BMERB1: variants seen among roughly 807,000 people sequenced by gnomAD.
The protein encoded by BMERB1 is bMERB domain-containing protein 1.
In BMERB1, 12 loss-of-function variants were observed where a neutral mutation model predicts 23.6. That is an observed-to-expected ratio of 0.51 (90% CI 0.33 to 0.82). BMERB1 has a LOEUF of 0.82. Ranked by LOEUF, BMERB1 falls within the 40% of genes least tolerant of loss-of-function variation. The pLI is 0.03. For missense variants in BMERB1, 247 were observed against 255.4 expected, an observed-to-expected ratio of 0.97 and a Z score of 0.22; for synonymous variants, 122 against 96.6, an observed-to-expected ratio of 1.26 and a Z score of -1.54.
intron 1 of BMERB1, among the ~76,000 whole-genome samples, chr16:15,437,645 C>G (rs2050899646): frequency 2.6e-5 from 4 of 152,138 alleles, no homozygotes; most frequent in Admixed American, 2.6e-4. Context: ...CTTCTGGGTC[C>G]TATGCTGCAC....
In BMERB1 at chr16:15,587,510, G is replaced by A. The variant is rs1432064179; in HGVS notation, c.*681G>A. On this transcript the variant is annotated 3_prime_UTR_variant, in exon 6 of 6. Transcript: ENST00000300006. ...TGTGCTCTCAGTCTGCCTCAGGTGT[G>A]TGCCTGGAGGGGGCCTGGACTGGCA... The A allele has an allele frequency of 2.2e-6, 1 of 447,826 alleles. No individual in the cohort carries two copies. The highest frequency in any genetic ancestry group is 7.1e-5 in the East Asian group (1 of 14,040). The allele number at this position is 447,826 out of a possible 1,614,324, so 27.7% of individuals were successfully genotyped here. A position where few individuals can be genotyped will look rare whatever the true frequency, so the allele number is the denominator to read the frequency against.
rs149928639 is a variant in BMERB1 at position 15,568,014 on chromosome 16, A to G, written c.262A>G (p.Met88Val). 3.1e-3 allele frequency: 4,927 copies of G among 1,614,064 alleles called. 12 individuals carry two copies. The highest frequency in any genetic ancestry group is 7.3e-3 in the Middle Eastern group (44 of 6,056). Residue 88 changes from methionine to valine, a missense_variant, in exon 3 of 6, where the codon ATG (methionine) becomes GTG (valine). Physicochemically the swap from Met to Val is conservative, Grantham distance 21. Coordinates refer to ENST00000300006, the MANE Select transcript of BMERB1 (RefSeq NM_033201.3). The stretch of plus-strand genomic sequence containing the variant: ...TGACATCCAGCTCTGCAAGGACATC[A>G]TGGACTTGAAGCAGGAGCTGCAGAA... ...MDDIQLCKDIMDLKQELQNLV... is the reference protein window; with the variant it reads ...MDDIQLCKDIVDLKQELQNLV...
At position 15,489,742 on chromosome 16, in the gene BMERB1, C is replaced by T. The variant is rs989274523; in HGVS notation, c.107-25563C>T. Among the ~76,000 whole-genome samples, 10 of 152,226 alleles carry T rather than the reference C, an allele frequency of 6.6e-5. No homozygotes were observed. The South Asian group carries it at 1.5e-3, about 22-fold the overall frequency. Reference sequence around the variant, plus strand: ...GGGGACTGTTGACATTTACTCTGCTCCTCCCACGCCACAGAGTCTAACTTT... The same window carrying T: ...GGGGACTGTTGACATTTACTCTGCTTCTCCCACGCCACAGAGTCTAACTTT... On this transcript the variant is annotated intron_variant, in intron 1 of 5. Coordinates refer to ENST00000300006, the MANE Select transcript of BMERB1 (RefSeq NM_033201.3).
At chr16:15,547,201 A>G (rs1288985742) in intron 2 of BMERB1, among the ~76,000 whole-genome samples, 2 of 151,068 alleles carry the variant, frequency 1.3e-5, no homozygotes, top group African/African-American at 4.9e-5. Context: ...TTGTAGAGAC[A>G]TGATTTCACT....
At chr16:15,552,489 G>A (rs886446119) in intron 2 of BMERB1, among the ~76,000 whole-genome samples, 1 of 152,102 alleles carries the variant, frequency 6.6e-6, no homozygotes, top group Admixed American at 6.6e-5. Context: ...AACACTTACT[G>A]TCTCCTTCAA....
chr16:15,482,862 C>T (rs1361493148), intron 1 of BMERB1, among the ~76,000 whole-genome samples: 2 of 152,072 alleles, frequency 1.3e-5, no homozygotes, highest in East Asian at 1.9e-4. Flanking sequence ...GCTTTACATG[C>T]GTTGTCTCAC....
intron 3 of BMERB1, among the ~76,000 whole-genome samples, chr16:15,580,410 T>C (rs2030978082): frequency 1.3e-5 from 2 of 151,858 alleles, no homozygotes; most frequent in African/African-American, 4.8e-5. Context: ...AGCCCATTAC[T>C]CCCATTTTAA....
chr16:15,549,278 G>T (rs531681402), intron 2 of BMERB1, among the ~76,000 whole-genome samples: 1 of 150,056 alleles, frequency 6.7e-6, no homozygotes, highest in Admixed American at 6.7e-5. Flanking sequence ...GGTGGAGGTT[G>T]CAGTAAGCCC....
chr16:15,581,078 T>A (rs1596404613), intron 3 of BMERB1, 139 bp from the exon 4 acceptor site: 2 of 608,228 alleles, frequency 3.3e-6, no homozygotes, highest in Non-Finnish European at 5.7e-6. Flanking sequence ...CACGCCTGGC[T>A]AATTTTTGTA....
chr16:15,559,582 C>G (rs147229984), intron 2 of BMERB1, among the ~76,000 whole-genome samples: 221 of 152,306 alleles, frequency 1.5e-3, no homozygotes, highest in Non-Finnish European at 2.4e-3. Flanking sequence ...AGAGTTTATG[C>G]ACAGAAAGTG....
chr16:15,562,303 C>CA (rs55709812), intron 2 of BMERB1, among the ~76,000 whole-genome samples: 17,764 of 79,160 alleles, frequency 0.22, 1,418 homozygotes, highest in Middle Eastern at 0.33. Context: ...AACTCTTTTT[C>CA]AAAAAAAAAA....
chr16:15,486,782 G>C (rs2051372750), intron 1 of BMERB1, among the ~76,000 whole-genome samples: 1 of 152,168 alleles, frequency 6.6e-6, no homozygotes, highest in South Asian at 2.1e-4. Flanking sequence ...TCTGGGTCTA[G>C]ATTACTGGGG....
intron 1 of BMERB1, among the ~76,000 whole-genome samples, chr16:15,497,465 G>A (rs1280705645): frequency 6.6e-6 from 1 of 152,126 alleles, no homozygotes; most frequent in African/African-American, 2.4e-5. Context: ...AGTTTCAAGA[G>A]TTAAGACCAG....
intron 2 of BMERB1, among the ~76,000 whole-genome samples, chr16:15,562,762 G>C (rs1045274677): frequency 2.0e-5 from 3 of 152,186 alleles, no homozygotes; most frequent in Non-Finnish European, 4.4e-5. Flanking sequence ...AAAGCGTCTG[G>C]AGTCTCTCCA....
At chr16:15,464,622 G>T (rs1375661597) in intron 1 of BMERB1, among the ~76,000 whole-genome samples, 6 of 152,184 alleles carry the variant, frequency 3.9e-5, no homozygotes, top group Admixed American at 2.0e-4. Context: ...TCCTGAAACT[G>T]AGAATTCCTC....
At chr16:15,513,361 GC>G (rs1567477533) in intron 1 of BMERB1, among the ~76,000 whole-genome samples, 1 of 152,062 alleles carries the variant, frequency 6.6e-6, no homozygotes, top group African/African-American at 2.4e-5. Context: ...ATAGAAAACC[GC>G]CCCGCCTTCC....
intron 2 of BMERB1, among the ~76,000 whole-genome samples, chr16:15,565,131 T>C (rs182780160): frequency 6.6e-6 from 1 of 151,282 alleles, no homozygotes; most frequent in African/African-American, 2.4e-5. Context: ...CCCATGCTGG[T>C]ATACAGATGG....
intron 1 of BMERB1, among the ~76,000 whole-genome samples, chr16:15,461,377 G>T (rs533877572): frequency 6.6e-6 from 1 of 151,988 alleles, no homozygotes; most frequent in African/African-American, 2.4e-5. Context: ...CATACTTTGC[G>T]TTGGTTCCCA....
At chr16:15,499,600 A>G (rs1598473951) in intron 1 of BMERB1, among the ~76,000 whole-genome samples, 1 of 152,264 alleles carries the variant, frequency 6.6e-6, no homozygotes, top group Non-Finnish European at 1.5e-5. Flanking sequence ...GAAGGACCAC[A>G]GCTTCTCCTT....
Sources: allele counts gnomAD v4.1 joint callset (sites outside exome capture counted in the v4.1 genomes callset), GRCh38; gene constraint gnomAD v4.1.1; transcripts MANE v1.5; gene names NCBI Gene and HGNC (gene_info 2026-07-23, HGNC 2026-07-21).